BLTP3A: variants seen among roughly 807,000 people sequenced by gnomAD.
BLTP3A encodes ICBP90 binding protein 1.
the BLTP3A span, among the ~76,000 whole-genome samples, chr6:34,816,612 AAAAAT>A: frequency 1.6e-4 from 25 of 152,278 alleles, no homozygotes; most frequent in Admixed American, 1.4e-3. Context: ...GACTGTCTCA[AAAAAT>A]AAAATAAAAT....
chr6:34,838,472 G>A, the BLTP3A span, among the ~76,000 whole-genome samples: 1 of 150,206 alleles, frequency 6.7e-6, no homozygotes, highest in East Asian at 1.9e-4. Context: ...TGAAAGAAGG[G>A]TTTGAAAATA....
chr6:34,839,803 C>G, the BLTP3A span, among the ~76,000 whole-genome samples: 1 of 152,256 alleles, frequency 6.6e-6, no homozygotes, highest in Non-Finnish European at 1.5e-5. Flanking sequence ...AGCAGCTTAA[C>G]TCTTTCCCTC....
At chr6:34,829,027 C>CCAAA in the BLTP3A span, among the ~76,000 whole-genome samples, 1 of 50,726 alleles carries the variant, frequency 2.0e-5, no homozygotes, top group African/African-American at 9.3e-5. Flanking sequence ...AACTCCATCT[C>CCAAA]AAAAAAAAAA....
chr6:34,864,058 C>T, the BLTP3A span: 1 of 1,613,724 alleles, frequency 6.2e-7, no homozygotes, highest in Non-Finnish European at 8.5e-7. Context: ...GGAGGTGCTG[C>T]ACGACTCCGA....
chr6:34,844,033 TG>T, the BLTP3A span, among the ~76,000 whole-genome samples: 1 of 152,158 alleles, frequency 6.6e-6, no homozygotes, highest in African/African-American at 2.4e-5. Context: ...CAGGCTGGAG[TG>T]CAGTGGCGTG....
At chr6:34,855,742 C>T in the BLTP3A span, 1 of 1,611,568 alleles carries the variant, frequency 6.2e-7, no homozygotes, top group South Asian at 1.1e-5. Flanking sequence ...CTCGCATAGC[C>T]CAAAATATTG....
At chr6:34,842,775 C>G in the BLTP3A span, among the ~76,000 whole-genome samples, 1 of 152,060 alleles carries the variant, frequency 6.6e-6, no homozygotes, top group African/African-American at 2.4e-5. Context: ...TGTGGAAGAT[C>G]AGTGTTACAA....
At chr6:34,801,013 G>C in the BLTP3A span, among the ~76,000 whole-genome samples, 225 of 152,282 alleles carry the variant, frequency 1.5e-3, no homozygotes, top group South Asian at 3.5e-3. Context: ...ACAGGCGTGA[G>C]ATTACAGCCA....
chr6:34,871,768 T>A, the BLTP3A span: 1 of 1,611,900 alleles, frequency 6.2e-7, no homozygotes, highest in African/African-American at 1.3e-5. Context: ...TAGGAACTGT[T>A]TGGGAGTTGG....
chr6:34,803,364 C>G, the BLTP3A span, among the ~76,000 whole-genome samples: 1,950 of 152,100 alleles, frequency 0.013, 47 homozygotes, highest in African/African-American at 0.045. Context: ...TACTATATGT[C>G]TCTTACTCAC....
At chr6:34,858,904 G>A in the BLTP3A span, 2 of 1,614,144 alleles carry the variant, frequency 1.2e-6, no homozygotes, top group Non-Finnish European at 1.7e-6. Flanking sequence ...GAGGCTTCAG[G>A]AGCAGCTGAC....
the BLTP3A span, among the ~76,000 whole-genome samples, chr6:34,869,573 G>A: frequency 2.0e-5 from 3 of 149,302 alleles, no homozygotes; most frequent in Non-Finnish European, 1.5e-5. Flanking sequence ...AATTCATCTA[G>A]GTTGTTGAAT....
the BLTP3A span, chr6:34,864,010 T>C: frequency 1.2e-4 from 193 of 1,588,712 alleles, 4 homozygotes; most frequent in East Asian, 4.1e-3. Context: ...AGGGAGCCCA[T>C]GGCCAAGACA....
chr6:34,872,593 T>G, the BLTP3A span: 1 of 934,754 alleles, frequency 1.1e-6, no homozygotes, highest in Non-Finnish European at 1.5e-6. Flanking sequence ...TGCTTTCCAC[T>G]AGCTGTTCTT....
At chr6:34,846,143 T>C in the BLTP3A span, among the ~76,000 whole-genome samples, 1 of 124,806 alleles carries the variant, frequency 8.0e-6, no homozygotes, top group Non-Finnish European at 1.6e-5. Flanking sequence ...CTTCCTTCTT[T>C]CCTTGCTTCC....
chr6:34,859,152 C>T, the BLTP3A span: 1 of 1,614,100 alleles, frequency 6.2e-7, no homozygotes, highest in Non-Finnish European at 8.5e-7. Flanking sequence ...CTGAGAAGGT[C>T]TTGGAGGAAA....
chr6:34,858,538 G>A, the BLTP3A span: 1 of 1,614,124 alleles, frequency 6.2e-7, no homozygotes, highest in Non-Finnish European at 8.5e-7. Context: ...GTCCATTTGG[G>A]CCTGCCTACC....
the BLTP3A span, among the ~76,000 whole-genome samples, chr6:34,850,611 A>G: frequency 2.2e-4 from 33 of 151,990 alleles, no homozygotes; most frequent in African/African-American, 4.8e-4. Flanking sequence ...AAGCTCACCA[A>G]TTCTTTCTCA....
chr6:34,826,314 A>C, the BLTP3A span, among the ~76,000 whole-genome samples: 1 of 148,810 alleles, frequency 6.7e-6, no homozygotes, highest in African/African-American at 2.5e-5. Context: ...GAGCCACCGC[A>C]CCTGGCCTAC....
Sources: allele counts gnomAD v4.1 joint callset (sites outside exome capture counted in the v4.1 genomes callset), GRCh38; gene constraint gnomAD v4.1.1; transcripts MANE v1.5; gene names NCBI Gene and HGNC (gene_info 2026-07-23, HGNC 2026-07-21).